CRMP1: variants seen among roughly 807,000 people sequenced by gnomAD.
CRMP1 encodes collapsin response mediator protein 1.
A neutral mutation model predicts 68.3 loss-of-function variants in CRMP1; 19 were observed. The ratio of observed to expected loss-of-function variants is 0.28; its 90% confidence interval spans 0.19 to 0.41. The LOEUF is 0.41. CRMP1 is among the 10% of genes least tolerant of loss of function. The probability of loss-of-function intolerance (pLI) is 1.00; values close to 1 mark genes in which losing one functional copy is unlikely to be tolerated. For synonymous variants in CRMP1, 439 were observed against 399.6 expected, an observed-to-expected ratio of 1.10 and a Z score of -1.18; for missense variants, 791 against 967.4, an observed-to-expected ratio of 0.82 and a Z score of 2.42.
Position 5,889,545 on chromosome 4 carries a change from G to T in CRMP1, c.381+3044C>A. 2 of 1,531,672 alleles carry T rather than the reference G, an allele frequency of 1.3e-6. No individual in the cohort carries two copies. The highest frequency in any genetic ancestry group is 1.7e-6 in the Non-Finnish European group (2 of 1,142,948). The allele number at this position is 1,531,672 out of a possible 1,614,324, so 94.9% of individuals were successfully genotyped here. The stretch of plus-strand genomic sequence containing the variant: ...CAGAGGGGAAAAGATGAAAGAAGAT[G>T]GAGGAAAAGGGGGAGCCCCAGCAAG... On this transcript the variant is annotated intron_variant, in intron 1 of 13. Transcript: ENST00000324989. This position sits in a 1 kb window ranked among gnomAD's most constrained non-coding sequence, Gnocchi z 4.5.
rs1300168781 is a variant in CRMP1 at position 5,892,810 on chromosome 4, T to C, written c.160A>G (p.Ser54Gly). The C allele has an allele frequency of 2.9e-6, 4 of 1,395,620 alleles. No homozygotes were observed. The highest frequency in any genetic ancestry group is 1.5e-5 in the African/African-American group (1 of 65,874). 86.5% of individuals were successfully genotyped at this position (1,395,620 alleles called of 1,614,324 possible). The change falls in exon 1 of 14, where the codon AGT becomes GGT. Residue 54 changes from serine (S) to glycine (G), a missense_variant. By Grantham distance (56) the Ser-to-Gly change is moderately conservative. This residue lies in a region of CRMP1 where 193 missense variants were observed against 186.3 expected (regional missense o/e 1.04). Transcript: ENST00000324989. This position sits in a 1 kb window ranked among gnomAD's most constrained non-coding sequence, Gnocchi z 8.6. ...ENKTIDFDAYSVGRRGSARTP... is the reference protein window; with the variant it reads ...ENKTIDFDAYGVGRRGSARTP... ...CGCGCCGAGCCGCGGCGGCCCACACTGTAGGCGTCGAAGTCGATGGTCTTG... is the reference window on the plus strand; with the variant it reads ...CGCGCCGAGCCGCGGCGGCCCACACCGTAGGCGTCGAAGTCGATGGTCTTG...
rs987536514 is a variant in CRMP1 at position 5,877,633 on chromosome 4, T to C, written c.382-10877A>G. ...GCAACCGGTATGAGCCTGAATCTAA[T>C]TAACACACATTCGTTCCCCCTCTCA... On this transcript the variant is annotated intron_variant, in intron 1 of 13. Transcript: ENST00000324989. The surrounding 1 kb of genome is among the most constrained non-coding windows in gnomAD (Gnocchi z 4.3). 1.3e-5 allele frequency among the ~76,000 whole-genome samples: 2 copies of C among 152,226 alleles called. No individual in the cohort carries two copies. Among genetic ancestry groups the C allele is most frequent in the African/African-American group, 4.8e-5 (2 of 41,462 alleles).
At chr4:5,885,891 C>A (rs1715550909) in intron 1 of CRMP1, among the ~76,000 whole-genome samples, 1 of 139,280 alleles carries the variant, frequency 7.2e-6, no homozygotes, top group African/African-American at 2.7e-5. Flanking sequence ...CTTAACTTGT[C>A]AAATGACTAC....
intron 2 of CRMP1, among the ~76,000 whole-genome samples, chr4:5,864,376 C>A (rs1169404459): frequency 6.6e-6 from 1 of 152,196 alleles, no homozygotes; most frequent in Non-Finnish European, 1.5e-5. Context: ...TCTATCTAAG[C>A]CATGGTTGAG....
At chr4:5,852,484 C>A (rs762475180) in intron 4 of CRMP1, among the ~76,000 whole-genome samples, 7 of 152,220 alleles carry the variant, frequency 4.6e-5, no homozygotes, top group Non-Finnish European at 1.0e-4. Flanking sequence ...CCCTTTCTTC[C>A]CTCCCTCCCT....
chr4:5,869,681 CAAAAAAAAAAA>C lies in CRMP1; in HGVS notation c.382-2936_382-2926del, dbSNP rs33973891. 1.1e-4 allele frequency among the ~76,000 whole-genome samples: 10 copies of C among 92,920 alleles called. No individual in the cohort carries two copies. The Admixed American group carries it at 1.3e-3, about 12-fold the overall frequency. 61.0% of individuals were successfully genotyped at this position (92,920 alleles called of 152,430 possible). On this transcript the variant is annotated intron_variant, in intron 1 of 13. Transcript: ENST00000324989. The stretch of plus-strand genomic sequence containing the variant: ...CCTGGGCAACAGAGCAAGACTCCGT[CAAAAAAAAAAA>C]AAAAAAAAAGAAAAAGAAAAGAAGT...
Position 5,883,120 on chromosome 4 carries a change from T to G in CRMP1, c.381+9469A>C, listed in dbSNP as rs1715317101. Among the ~76,000 whole-genome samples the G allele has an allele frequency of 6.6e-6, 1 of 152,172 alleles. No individual in the cohort carries two copies. Among genetic ancestry groups the G allele is most frequent in the Non-Finnish European group, 1.5e-5 (1 of 68,030 alleles). On this transcript the variant is annotated intron_variant, in intron 1 of 13. Coordinates refer to ENST00000324989, the MANE Select transcript of CRMP1 (RefSeq NM_001014809.3). The surrounding 1 kb of genome is among the most constrained non-coding windows in gnomAD (Gnocchi z 4.5). The stretch of plus-strand genomic sequence containing the variant: ...CCAATCAAGTCCCTCAACACCTGGC[T>G]GATGTCATCCTCCAAACCCCAAGAA...
At chr4:5,847,802 CT>C (rs1218980032) in intron 6 of CRMP1, among the ~76,000 whole-genome samples, 1 of 152,166 alleles carries the variant, frequency 6.6e-6, no homozygotes, top group Non-Finnish European at 1.5e-5. Flanking sequence ...TTCAGTTTCC[CT>C]ATCTATAAAA....
rs1031641808 is a variant in CRMP1, at chr4:5,842,638, GCACT to G, written c.1032+451_1032+454del. 7.4e-5 allele frequency among the ~76,000 whole-genome samples: 11 copies of G among 147,806 alleles called. No homozygotes were observed. The South Asian group carries it at 1.5e-3, about 20-fold the overall frequency. ...CACACTCACTCACACACACACACAC[GCACT>G]GTCTCTCTCACACACACACACTAAC... On this transcript the variant is annotated intron_variant, in intron 7 of 13. Transcript: ENST00000324989. The surrounding 1 kb of genome is among the most constrained non-coding windows in gnomAD (Gnocchi z 4.5).
intron 6 of CRMP1, among the ~76,000 whole-genome samples, chr4:5,846,970 A>G (rs545142218): frequency 7.9e-5 from 12 of 152,082 alleles, no homozygotes; most frequent in South Asian, 2.1e-4. Flanking sequence ...TCAGCTGCAG[A>G]CATGTACTAC....
rs531113936 is a variant in CRMP1, at chr4:5,825,359, C to T, written c.1969+135G>A. The T allele has an allele frequency of 1.6e-5, 23 of 1,432,420 alleles. No individual in the cohort carries two copies. The East Asian group carries it at 3.5e-4, about 22-fold the overall frequency. The allele number at this position is 1,432,420 out of a possible 1,614,324, so 88.7% of individuals were successfully genotyped here. ...TCTGCCCCACCAGTGAGAGCAGGCTCGGGTGGGGCACACTCCCTTCCCTGC... is the reference window on the plus strand; with the variant it reads ...TCTGCCCCACCAGTGAGAGCAGGCTTGGGTGGGGCACACTCCCTTCCCTGC... On this transcript the variant is annotated intron_variant, in intron 13 of 13. Transcript: ENST00000324989. This position sits in a 1 kb window ranked among gnomAD's most constrained non-coding sequence, Gnocchi z 4.4.
Position 5,843,222 on chromosome 4 carries a change from C to T in CRMP1, c.964-61G>A, listed in dbSNP as rs1175418853. On this transcript the variant is annotated intron_variant, in intron 6 of 13. Coordinates refer to ENST00000324989, the MANE Select transcript of CRMP1 (RefSeq NM_001014809.3). This position sits in a 1 kb window ranked among gnomAD's most constrained non-coding sequence, Gnocchi z 4.1. ...GGTGTCAGAGCTGGGAGAAGTGACTCCTCCAACCCCCTGGTTAGACAGAGG... is the reference window on the plus strand; with the variant it reads ...GGTGTCAGAGCTGGGAGAAGTGACTTCTCCAACCCCCTGGTTAGACAGAGG... 5 of 1,557,650 alleles carry T rather than the reference C, an allele frequency of 3.2e-6. No homozygotes were observed. The highest frequency in any genetic ancestry group is 4.4e-6 in the Non-Finnish European group (5 of 1,129,280).
chr4:5,831,999 A>G (rs1334801870), intron 11 of CRMP1, among the ~76,000 whole-genome samples: 1 of 152,234 alleles, frequency 6.6e-6, no homozygotes, highest in Non-Finnish European at 1.5e-5. Flanking sequence ...TCAGCCATCA[A>G]AGGAACATGG....
chr4:5,861,258 A>G lies in CRMP1; in HGVS notation c.471-48T>C. 1 of 1,574,388 alleles carries G rather than the reference A, an allele frequency of 6.4e-7. No homozygotes were observed. Among genetic ancestry groups the G allele is most frequent in the South Asian group, 1.1e-5 (1 of 87,354 alleles). The stretch of plus-strand genomic sequence containing the variant: ...GCCTTGGTTCTTAAAGGAAAAGTAG[A>G]ATGGGCAGTCAACCCGCAGCTTCAG... On this transcript the variant is annotated intron_variant, in intron 2 of 13. Transcript: ENST00000324989. The surrounding 1 kb of genome is among the most constrained non-coding windows in gnomAD (Gnocchi z 6.0).
Position 5,889,892 on chromosome 4 carries a change from T to C in CRMP1, c.381+2697A>G. On this transcript the variant is annotated intron_variant, in intron 1 of 13. Transcript: ENST00000324989. The surrounding 1 kb of genome is among the most constrained non-coding windows in gnomAD (Gnocchi z 4.5). ...TAGCTTCACAGAGAAGCCAGCTCAG[T>C]ATCCCAGGAACACTAGGCATAATTT... 7.1e-7 allele frequency: 1 copy of C among 1,417,242 alleles called. No individual in the cohort carries two copies. Among genetic ancestry groups the C allele is most frequent in the East Asian group, 2.6e-5 (1 of 39,190 alleles). The allele number at this position is 1,417,242 out of a possible 1,614,324, so 87.8% of individuals were successfully genotyped here.
At chr4:5,849,796 C>T (rs188357435) in intron 5 of CRMP1, among the ~76,000 whole-genome samples, 1 of 152,330 alleles carries the variant, frequency 6.6e-6, no homozygotes, top group East Asian at 1.9e-4. Context: ...TTTTTTGAAA[C>T]ACCTGTAGGT....
Position 5,891,248 on chromosome 4 carries a change from G to C in CRMP1, c.381+1341C>G, listed in dbSNP as rs777334162. On this transcript the variant is annotated intron_variant, in intron 1 of 13. Coordinates refer to ENST00000324989, the MANE Select transcript of CRMP1 (RefSeq NM_001014809.3). This position sits in a 1 kb window ranked among gnomAD's most constrained non-coding sequence, Gnocchi z 5.2. ...TGGACCTCTCCCTCGCGAGGCTCCG[G>C]CTTCAGGACCACGGAGAGCTCTGGA... Among the ~76,000 whole-genome samples the C allele has an allele frequency of 8.4e-5, 12 of 142,934 alleles. No homozygotes were observed. The highest frequency in any genetic ancestry group is 1.8e-4 in the Non-Finnish European group (12 of 65,224). 93.8% of individuals were successfully genotyped at this position (142,934 alleles called of 152,430 possible).
intron 1 of CRMP1, among the ~76,000 whole-genome samples, chr4:5,868,290 T>TATATATATAGATATATATATATATAG (rs1714174676): frequency 7.6e-6 from 1 of 131,396 alleles, no homozygotes; most frequent in African/African-American, 3.3e-5. Context: ...TATATATATA[T>TATATATATAGATATATATATATATAG]ATATATATAT....
rs919962363 is a variant in CRMP1, at chr4:5,838,647, G to A, written c.1310+875C>T. Among the ~76,000 whole-genome samples the A allele has an allele frequency of 3.3e-5, 5 of 152,140 alleles. No homozygotes were observed. The highest frequency in any genetic ancestry group is 1.9e-4 in the East Asian group (1 of 5,180). ...GGAAGATCTGCAGTTCTTTGTAAAC[G>A]TGAGCTGCCCACCAGACATTGGACT... On this transcript the variant is annotated intron_variant, in intron 9 of 13. Coordinates refer to ENST00000324989, the MANE Select transcript of CRMP1 (RefSeq NM_001014809.3). The surrounding 1 kb of genome is among the most constrained non-coding windows in gnomAD (Gnocchi z 4.9).
Sources: allele counts gnomAD v4.1 joint callset (sites outside exome capture counted in the v4.1 genomes callset), GRCh38; gene constraint gnomAD v4.1.1; regional missense constraint gnomAD v4.1.1; non-coding constraint Gnocchi (gnomAD v3.1); transcripts MANE v1.5; gene names NCBI Gene and HGNC (gene_info 2026-07-23, HGNC 2026-07-21).